Variants in RNF115 observed in about 807,000 individuals in gnomAD.
RNF115 encodes E3 ubiquitin-protein ligase RNF115.
In RNF115, 31 loss-of-function variants were observed where a neutral mutation model predicts 39.2. The ratio of observed to expected loss-of-function variants is 0.79; its 90% confidence interval spans 0.59 to 1.07. The LOEUF (loss-of-function observed/expected upper bound fraction) is 1.07. RNF115 is among the 50% of genes least tolerant of loss of function. The probability of loss-of-function intolerance (pLI) is 0.00; values close to 1 mark genes in which losing one functional copy is unlikely to be tolerated. For synonymous variants in RNF115, 124 were observed against 131.0 expected (o/e 0.95, Z 0.37); for missense variants, 384 against 381.7 (o/e 1.01, Z -0.05).
chr1:145,746,786 T>A lies in RNF115; in HGVS notation c.*80A>T. On this transcript the variant is annotated 3_prime_UTR_variant, in exon 9 of 9. Coordinates refer to ENST00000582693, the MANE Select transcript of RNF115 (RefSeq NM_014455.4). The stretch of plus-strand genomic sequence containing the variant: ...TTTCTTACATATTCCTAAATCCATC[T>A]ACTAATTTTTTGTTTTGATACAATT... 1 of 1,385,616 alleles carries A rather than the reference T, an allele frequency of 7.2e-7. No individual in the cohort carries two copies. Among genetic ancestry groups the A allele is most frequent in the Non-Finnish European group, 1.0e-6 (1 of 1,002,880 alleles). The allele number at this position is 1,385,616 out of a possible 1,614,324, so 85.8% of individuals were successfully genotyped here. A position where few individuals can be genotyped will look rare whatever the true frequency, so the allele number is the denominator to read the frequency against.
At chr1:145,793,657 C>A (rs1553719319) in intron 1 of RNF115, among the ~76,000 whole-genome samples, 1 of 151,826 alleles carries the variant, frequency 6.6e-6, no homozygotes, top group African/African-American at 2.4e-5. Flanking sequence ...CGAGAGGTGG[C>A]ATATCAGTTT....
chr1:145,771,793 C>T lies in RNF115; in HGVS notation c.346G>A (p.Ala116Thr), dbSNP rs782231730. The change falls in exon 4 of 9, where the codon GCA becomes ACA. Residue 116 changes from alanine (A) to threonine (T), a missense_variant. Transcript: ENST00000582693. ...CCCAATGGCAACCGTGGAGGTCTTG[C>T]TCCCCAGAAGTCAGTGTGAGTCTGG... is the stretch of plus-strand genomic sequence containing the variant. ...GHQTHTDFWG[A>T]RPPRLPLGRR... 17 of 1,614,154 alleles carry T rather than the reference C, an allele frequency of 1.1e-5. No homozygotes were observed. Among genetic ancestry groups the T allele is most frequent in the Non-Finnish European group, 1.4e-5 (16 of 1,179,996 alleles).
At chr1:145,819,418 C>G (rs1553724119) in intron 1 of RNF115, among the ~76,000 whole-genome samples, 2 of 151,844 alleles carry the variant, frequency 1.3e-5, no homozygotes, top group Non-Finnish European at 2.9e-5. Flanking sequence ...TGCCACTGAA[C>G]TCCAGTATGG....
At chr1:145,747,335 T>C (rs1455068593) in intron 8 of RNF115, among the ~76,000 whole-genome samples, 1 of 152,084 alleles carries the variant, frequency 6.6e-6, no homozygotes, top group Non-Finnish European at 1.5e-5. Flanking sequence ...AGAGCAGAGG[T>C]CAGCAAACTT....
At chr1:145,768,373 T>C (rs1365818480) in intron 4 of RNF115, among the ~76,000 whole-genome samples, 1 of 152,184 alleles carries the variant, frequency 6.6e-6, no homozygotes, top group Non-Finnish European at 1.5e-5. Flanking sequence ...TGGAGTACAG[T>C]GGCGCAATCT....
At chr1:145,773,891 AAG>A (rs1178617702) in intron 3 of RNF115, 1 of 151,796 alleles carries the variant, frequency 6.6e-6, no homozygotes, top group Non-Finnish European at 1.5e-5. Context: ...CCTCAGGAGG[AAG>A]AGTGTCCACT....
Position 145,757,025 on chromosome 1 carries a change from G to A in RNF115, c.429-3976C>T, listed in dbSNP as rs187066314. ...TAATTTTTGTATTTTTAGTAGACACGGGGTTTTACCACATTGGCCAGGCTG... is the reference window on the plus strand; with the variant it reads ...TAATTTTTGTATTTTTAGTAGACACAGGGTTTTACCACATTGGCCAGGCTG... On this transcript the variant is annotated intron_variant, in intron 4 of 8. Coordinates refer to ENST00000582693, the MANE Select transcript of RNF115 (RefSeq NM_014455.4). Among the ~76,000 whole-genome samples the A allele has an allele frequency of 8.6e-5, 13 of 151,708 alleles. No homozygotes were observed. The East Asian group carries it at 9.7e-4, about 11-fold the overall frequency.
intron 3 of RNF115, among the ~76,000 whole-genome samples, chr1:145,780,120 C>G (rs1473158186): frequency 6.6e-6 from 1 of 151,684 alleles, no homozygotes; most frequent in Non-Finnish European, 1.5e-5. Context: ...CCAAGCTACT[C>G]GGGAGGCTGA....
At chr1:145,750,640 G>A (rs1410477588) in intron 6 of RNF115, 140 bp from the exon 7 acceptor site, 6 of 633,422 alleles carry the variant, frequency 9.5e-6, no homozygotes, top group African/African-American at 3.7e-5. Context: ...TGAGAGGCTT[G>A]GGTTTCCCCT....
At chr1:145,801,921 G>A (rs1263274119) in intron 1 of RNF115, among the ~76,000 whole-genome samples, 1 of 152,042 alleles carries the variant, frequency 6.6e-6, no homozygotes, top group Non-Finnish European at 1.5e-5. Context: ...CCGAGTAGCT[G>A]GGACTACAGG....
intron 7 of RNF115, among the ~76,000 whole-genome samples, chr1:145,749,666 T>C (rs1181590504): frequency 6.6e-6 from 1 of 152,148 alleles, no homozygotes; most frequent in Non-Finnish European, 1.5e-5. Context: ...CTGAACCTCA[T>C]CTGGACTGCT....
chr1:145,816,022 T>G (rs1307617475), intron 1 of RNF115, among the ~76,000 whole-genome samples: 1 of 133,896 alleles, frequency 7.5e-6, no homozygotes, highest in Non-Finnish European at 1.6e-5. Context: ...TTCTCCTTAT[T>G]TCTTAATATC....
At chr1:145,798,979 A>G (rs1649102799) in intron 1 of RNF115, among the ~76,000 whole-genome samples, 2 of 152,040 alleles carry the variant, frequency 1.3e-5, no homozygotes, top group Non-Finnish European at 2.9e-5. Flanking sequence ...ATGGAAACAT[A>G]ACTAATTTTT....
chr1:145,751,687 A>G (rs1024164139), intron 5 of RNF115, among the ~76,000 whole-genome samples, 177 bp from the exon 6 acceptor site: 1 of 152,208 alleles, frequency 6.6e-6, no homozygotes, highest in African/African-American at 2.4e-5. Context: ...CTATCCAGAG[A>G]TAGTACCTCA....
intron 1 of RNF115, among the ~76,000 whole-genome samples, chr1:145,816,607 A>T (rs1490355279): frequency 2.4e-5 from 3 of 125,108 alleles, no homozygotes; most frequent in Admixed American, 8.3e-5. Flanking sequence ...GCTCTGAAGC[A>T]GACCTTCCCA....
intron 1 of RNF115, among the ~76,000 whole-genome samples, chr1:145,794,107 G>C (rs889497202): frequency 1.4e-4 from 21 of 152,102 alleles, no homozygotes; most frequent in African/African-American, 4.1e-4. Context: ...GCCTCCCAAA[G>C]TGCTGGAATT....
At chr1:145,793,346 A>G (rs139180627) in intron 1 of RNF115, among the ~76,000 whole-genome samples, 124 of 152,212 alleles carry the variant, frequency 8.1e-4, no homozygotes, top group African/African-American at 2.9e-3. Context: ...ATATGCAAAT[A>G]TATGAGTTTA....
At chr1:145,813,943 A>T (rs1234753047) in intron 1 of RNF115, among the ~76,000 whole-genome samples, 2 of 142,134 alleles carry the variant, frequency 1.4e-5, no homozygotes, top group African/African-American at 2.6e-5. Context: ...CCACTGCATG[A>T]CAGTAGCAAC....
intron 1 of RNF115, among the ~76,000 whole-genome samples, chr1:145,814,209 G>A (rs1390095004): frequency 3.9e-5 from 6 of 151,932 alleles, no homozygotes; most frequent in African/African-American, 1.2e-4. Flanking sequence ...GCAGTGAGCC[G>A]TGATCATGCC....
Sources: allele counts gnomAD v4.1 joint callset (sites outside exome capture counted in the v4.1 genomes callset), GRCh38; gene constraint gnomAD v4.1.1; transcripts MANE v1.5; gene names NCBI Gene and HGNC (gene_info 2026-07-23, HGNC 2026-07-21).